Variants in RHOG observed in about 807,000 individuals in gnomAD.
The protein encoded by RHOG is rho-related GTP-binding protein RhoG.
A neutral mutation model predicts 12.3 loss-of-function variants in RHOG; 1 was observed. That is an observed-to-expected ratio of 0.08 (90% CI 0.03 to 0.39). The LOEUF (loss-of-function observed/expected upper bound fraction) is 0.39. Among genes scored for constraint, RHOG ranks in the 10% least tolerant of loss-of-function variants. The pLI, the probability that RHOG is intolerant of heterozygous loss-of-function variation, is 0.99. For synonymous variants in RHOG, 129 were observed against 116.0 expected (o/e 1.11, Z -0.72); for missense variants, 114 against 266.2 (o/e 0.43, Z 3.98).
chr11:3,838,745 T>C (rs963725619), intron 1 of RHOG, among the ~76,000 whole-genome samples: 4 of 152,078 alleles, frequency 2.6e-5, no homozygotes, highest in African/African-American at 9.7e-5. Flanking sequence ...TGGAGAGAAA[T>C]GAATACAGAT....
chr11:3,832,185 CT>C (rs1336488295), intron 1 of RHOG, among the ~76,000 whole-genome samples: 1 of 152,190 alleles, frequency 6.6e-6, no homozygotes, highest in East Asian at 1.9e-4. Context: ...TGGTATAAGC[CT>C]TTATAGGTCA....
chr11:3,832,006 G>A (rs1388683672), intron 1 of RHOG, among the ~76,000 whole-genome samples: 3 of 152,126 alleles, frequency 2.0e-5, no homozygotes, highest in Non-Finnish European at 4.4e-5. Flanking sequence ...GTAGCTTCCG[G>A]GCTGGGAAGG....
intron 1 of RHOG, among the ~76,000 whole-genome samples, chr11:3,838,780 A>T (rs916648510): frequency 2.8e-4 from 43 of 152,350 alleles, no homozygotes; most frequent in African/African-American, 1.0e-3. Flanking sequence ...GACAGGAGCA[A>T]GATCCTCAGA....
chr11:3,833,977 C>T (rs1340028641), intron 1 of RHOG, among the ~76,000 whole-genome samples: 1 of 152,186 alleles, frequency 6.6e-6, no homozygotes, highest in Non-Finnish European at 1.5e-5. Flanking sequence ...GGTTAGAGTG[C>T]AGTGTCGCGA....
chr11:3,829,823 T>C (rs1471152002), intron 1 of RHOG, among the ~76,000 whole-genome samples: 1 of 151,900 alleles, frequency 6.6e-6, no homozygotes, highest in Non-Finnish European at 1.5e-5. Flanking sequence ...CTTGACTCAC[T>C]GCAACCTCCA....
At chr11:3,828,728 A>ATTC (rs1214253569) in intron 1 of RHOG, among the ~76,000 whole-genome samples, 1 of 145,886 alleles carries the variant, frequency 6.9e-6, no homozygotes, top group East Asian at 2.0e-4. Flanking sequence ...GGTTCACGCC[A>ATTC]TTCTGCCTCA....
chr11:3,839,222 C>T (rs886917214), intron 1 of RHOG, among the ~76,000 whole-genome samples: 2 of 152,142 alleles, frequency 1.3e-5, no homozygotes, highest in Admixed American at 1.3e-4. Context: ...TTCAGGCTGT[C>T]TTCCGGCTTC....
chr11:3,833,726 T>C lies in RHOG; in HGVS notation c.-68-5520A>G, dbSNP rs192242340. The stretch of plus-strand genomic sequence containing the variant: ...GCATTAATGTATAATATGTGCACAA[T>C]GTAGGTACTTTGCAAGTGTGAGTTC... On this transcript the variant is annotated intron_variant, in intron 1 of 1. Coordinates refer to ENST00000351018, the MANE Select transcript of RHOG (RefSeq NM_001665.4). Among the ~76,000 whole-genome samples the C allele has an allele frequency of 6.0e-4, 91 of 152,362 alleles. No homozygotes were observed. The Middle Eastern group carries it at 0.024, about 40-fold the overall frequency.
intron 1 of RHOG, among the ~76,000 whole-genome samples, chr11:3,835,944 G>A (rs1328272187): frequency 6.6e-6 from 1 of 152,016 alleles, no homozygotes; most frequent in Non-Finnish European, 1.5e-5. Flanking sequence ...GGAAGCTGGG[G>A]GAGACATGAG....
intron 1 of RHOG, among the ~76,000 whole-genome samples, chr11:3,838,436 C>A (rs986596088): frequency 6.6e-6 from 1 of 152,084 alleles, no homozygotes; most frequent in African/African-American, 2.4e-5. Context: ...GGTTTGCCAG[C>A]CTAGGAACTG....
At chr11:3,832,168 C>T (rs781294648) in intron 1 of RHOG, among the ~76,000 whole-genome samples, 26 of 152,140 alleles carry the variant, frequency 1.7e-4, no homozygotes, top group Non-Finnish European at 3.4e-4. Context: ...ATAAAAAAGC[C>T]CTCATATGGT....
chr11:3,839,524 A>T (rs1041087901), intron 1 of RHOG, among the ~76,000 whole-genome samples: 1 of 106,004 alleles, frequency 9.4e-6, no homozygotes, highest in Non-Finnish European at 2.0e-5. Context: ...ACACACACAC[A>T]GGCTTTCCAT....
chr11:3,839,489 C>CAGACACGCGCGCGCGA (rs1159682647), intron 1 of RHOG, among the ~76,000 whole-genome samples: 2 of 23,418 alleles, frequency 8.5e-5, no homozygotes, highest in Non-Finnish European at 1.8e-4. Flanking sequence ...CGCGCGAACA[C>CAGACACGCGCGCGCGA]ACACACACAC....
chr11:3,837,317 T>G (rs1006486037), intron 1 of RHOG, among the ~76,000 whole-genome samples: 1 of 152,138 alleles, frequency 6.6e-6, no homozygotes, highest in Non-Finnish European at 1.5e-5. Flanking sequence ...GACAGGGTAC[T>G]CCCCCATCTT....
intron 1 of RHOG, among the ~76,000 whole-genome samples, chr11:3,828,756 G>A (rs529019683): frequency 1.5e-3 from 230 of 151,416 alleles, no homozygotes; most frequent in Non-Finnish European, 2.1e-3. Flanking sequence ...GAGTAGCTGG[G>A]ACTACAGGCA....
Position 3,827,475 on chromosome 11 carries a change from G to C in RHOG, c.*88C>G. The C allele has an allele frequency of 9.1e-7, 1 of 1,097,010 alleles. No homozygotes were observed. Among genetic ancestry groups the C allele is most frequent in the Non-Finnish European group, 1.3e-6 (1 of 761,096 alleles). 68.0% of individuals were successfully genotyped at this position (1,097,010 alleles called of 1,614,324 possible). On this transcript the variant is annotated 3_prime_UTR_variant, in exon 2 of 2. Coordinates refer to ENST00000351018, the MANE Select transcript of RHOG (RefSeq NM_001665.4). This position sits in a 1 kb window ranked among gnomAD's most constrained non-coding sequence, Gnocchi z 7.3. Reference sequence around the variant, plus strand: ...CCCCTGGAAAGGGGTGCCAGAATTAGTCCTTAAGGCACAGCTGAGGCGGAC... The same window carrying C: ...CCCCTGGAAAGGGGTGCCAGAATTACTCCTTAAGGCACAGCTGAGGCGGAC...
intron 1 of RHOG, among the ~76,000 whole-genome samples, chr11:3,831,742 G>A (rs1006279959): frequency 1.3e-5 from 2 of 152,178 alleles, no homozygotes; most frequent in African/African-American, 4.8e-5. Context: ...TGTGCCCAGC[G>A]GATTACGTGG....
At chr11:3,831,253 T>C (rs2090126426) in intron 1 of RHOG, among the ~76,000 whole-genome samples, 1 of 152,086 alleles carries the variant, frequency 6.6e-6, no homozygotes, top group Non-Finnish European at 1.5e-5. Context: ...GAAACTTTCG[T>C]CATGTGGGGG....
Position 3,828,084 on chromosome 11 carries a change from G to A in RHOG, c.55C>T (p.Leu19=), listed in dbSNP as rs1214874744. The change falls in exon 2 of 2, where the codon CTG becomes TTG. Residue 19 remains leucine (L), a synonymous_variant. Coordinates refer to ENST00000351018, the MANE Select transcript of RHOG (RefSeq NM_001665.4). ...GCGTTAGTTGTGTAGCAGATGAGCA[G>A]GCACGTCTTGCCCACAGCCCCATCA... ...VGDGAVGKTC[L]LICYTTNAFP... The A allele has an allele frequency of 1.2e-6, 2 of 1,614,230 alleles. No homozygotes were observed. The highest frequency in any genetic ancestry group is 8.5e-7 in the Non-Finnish European group (1 of 1,180,024).
Sources: gnomAD v4.1 joint callset for allele counts (sites outside exome capture counted in the v4.1 genomes callset) on GRCh38, gnomAD v4.1.1 for gene constraint, Gnocchi (gnomAD v3.1) non-coding constraint, MANE v1.5 for transcripts, NCBI Gene and HGNC (gene_info 2026-07-23, HGNC 2026-07-21) for gene names.